The following GABPB1 variants were observed in gnomAD, a reference collection of about 807,000 sequenced individuals.
GABPB1 encodes the protein GA-binding protein subunit beta-1.
In GABPB1, 15 loss-of-function variants were observed where a neutral mutation model predicts 45.9. That is an observed-to-expected ratio of 0.33 (90% CI 0.22 to 0.50). The LOEUF (loss-of-function observed/expected upper bound fraction) is 0.50. Ranked by LOEUF, GABPB1 falls within the 20% of genes least tolerant of loss-of-function variation. GABPB1 has a pLI of 0.98. For missense variants in GABPB1, 252 were observed against 457.5 expected (o/e 0.55, Z 4.10); for synonymous variants, 143 against 154.4 (o/e 0.93, Z 0.55).
chr15:50,291,523 A>G (rs2140991959), intron 6 of GABPB1, among the ~76,000 whole-genome samples: 1 of 147,744 alleles, frequency 6.8e-6, no homozygotes, highest in African/African-American at 2.5e-5. Flanking sequence ...GAGACGGGTT[A>G]CACCATATTG....
At chr15:50,329,398 C>T (rs535264112) in intron 1 of GABPB1, among the ~76,000 whole-genome samples, 1 of 152,220 alleles carries the variant, frequency 6.6e-6, no homozygotes, top group South Asian at 2.1e-4. Flanking sequence ...ATACTTGTAT[C>T]TCTATTGATT....
chr15:50,281,387 A>C lies in GABPB1; in HGVS notation c.1000-2603T>G, dbSNP rs760110615. Among the ~76,000 whole-genome samples, 3 of 151,944 alleles carry C rather than the reference A, an allele frequency of 2.0e-5. 1 individual carries two copies. Among genetic ancestry groups the C allele is most frequent in the Non-Finnish European group, 4.4e-5 (3 of 67,968 alleles). On this transcript the variant is annotated intron_variant, in intron 8 of 8. Transcript: ENST00000380877. ...CCACCATGCTCAGCTAATTTTTTGT[A>C]TTTTTAGTAGAGACGGGGTTTCACC... is the stretch of plus-strand genomic sequence containing the variant.
chr15:50,347,604 A>G (rs1345133621), intron 1 of GABPB1: 2 of 152,164 alleles, frequency 1.3e-5, no homozygotes, highest in Admixed American at 1.3e-4. Flanking sequence ...CAGGAGTCAG[A>G]AGGGGCTATA....
chr15:50,311,838 A>G (rs1392689205), intron 1 of GABPB1, among the ~76,000 whole-genome samples: 1 of 152,174 alleles, frequency 6.6e-6, no homozygotes, highest in East Asian at 1.9e-4. Flanking sequence ...ATTATAAGAA[A>G]AGCTGTCCAT....
At chr15:50,337,397 T>C (rs761224598) in intron 1 of GABPB1, among the ~76,000 whole-genome samples, 1 of 151,954 alleles carries the variant, frequency 6.6e-6, no homozygotes, top group Non-Finnish European at 1.5e-5. Context: ...AAAAGAATCT[T>C]AAAAAGTAAA....
chr15:50,275,768 CT>C lies in GABPB1; in HGVS notation c.*2863del, dbSNP rs1415450252. ...ACGAAAACAAATGACATCACAAGTC[CT>C]TTTGTGAAGTAATTAAGATATAAAT... On this transcript the variant is annotated 3_prime_UTR_variant, in exon 9 of 9. Coordinates refer to ENST00000380877, the MANE Select transcript of GABPB1 (RefSeq NM_016654.5). 2 of 152,012 alleles carry C rather than the reference CT, an allele frequency of 1.3e-5. No individual in the cohort carries two copies. The highest frequency in any genetic ancestry group is 4.8e-5 in the African/African-American group (2 of 41,382). 9.4% of individuals were successfully genotyped at this position (152,012 alleles called of 1,614,324 possible). A position where few individuals can be genotyped will look rare whatever the true frequency, so the allele number is the denominator to read the frequency against.
chr15:50,335,617 G>A (rs1009726388), intron 1 of GABPB1, among the ~76,000 whole-genome samples: 7 of 151,860 alleles, frequency 4.6e-5, no homozygotes, highest in African/African-American at 1.2e-4. Flanking sequence ...AAGACTGGTC[G>A]GCCGGGTGCA....
chr15:50,345,651 C>CAGT (rs1290579758), intron 1 of GABPB1, among the ~76,000 whole-genome samples: 1 of 152,144 alleles, frequency 6.6e-6, no homozygotes, highest in East Asian at 1.9e-4. Context: ...CTAGAAAGAA[C>CAGT]AGTAGCAGCA....
intron 1 of GABPB1, among the ~76,000 whole-genome samples, chr15:50,340,951 TAATATTA>T (rs1567546028): frequency 1.9e-5 from 1 of 51,692 alleles, no homozygotes; most frequent in Non-Finnish European, 3.8e-5. Context: ...TTACCATATG[TAATATTA>T]CATATTACAT....
rs1337883722 is a variant in GABPB1 at position 50,278,725 on chromosome 15, T to C, written c.1059A>G (p.Arg353=). ...CCTGTTCTTTCTTTAGGAGCTGCTG[T>C]CGATATTTTTGTGCTTCTCGATTTG... ...DEANREAQKY[R]QQLLKKEQEA... The change falls in exon 9 of 9, where the codon CGA becomes CGG. Residue 353 remains arginine (R), a synonymous_variant. Transcript: ENST00000380877. The C allele has an allele frequency of 6.2e-7, 1 of 1,613,706 alleles. No individual in the cohort carries two copies. The highest frequency in any genetic ancestry group is 8.5e-7 in the Non-Finnish European group (1 of 1,179,784).
intron 1 of GABPB1, among the ~76,000 whole-genome samples, chr15:50,338,071 A>C (rs1654937294): frequency 1.3e-5 from 2 of 152,200 alleles, no homozygotes. Context: ...ACAGAGTCTC[A>C]CTCTGTGGCC....
chr15:50,342,971 G>A (rs1360589393), intron 1 of GABPB1, among the ~76,000 whole-genome samples: 1 of 26,874 alleles, frequency 3.7e-5, no homozygotes, highest in Non-Finnish European at 6.5e-5. Context: ...CACGATCTTG[G>A]CTCACTGCAA....
chr15:50,325,388 C>T (rs2047715556), intron 1 of GABPB1, among the ~76,000 whole-genome samples: 1 of 150,530 alleles, frequency 6.6e-6, no homozygotes. Flanking sequence ...GACCCAGGTG[C>T]AAATCTCGTC....
chr15:50,352,161 C>G (rs564211276), intron 1 of GABPB1: 1 of 152,200 alleles, frequency 6.6e-6, no homozygotes, highest in South Asian at 2.1e-4. Flanking sequence ...TGCAAAACTT[C>G]ATGTAATTTC....
At chr15:50,312,817 G>C (rs1009916632) in intron 1 of GABPB1, among the ~76,000 whole-genome samples, 3 of 152,180 alleles carry the variant, frequency 2.0e-5, no homozygotes, top group African/African-American at 7.2e-5. Context: ...CTTTTGTGAA[G>C]TGAGAGTTTA....
At chr15:50,332,637 G>A (rs976005162) in intron 1 of GABPB1, among the ~76,000 whole-genome samples, 17 of 151,796 alleles carry the variant, frequency 1.1e-4, no homozygotes, top group Non-Finnish European at 2.2e-4. Context: ...AAAATACTTG[G>A]GATATATATA....
At chr15:50,354,631 C>T in intron 1 of GABPB1, 1 of 439,322 alleles carries the variant, frequency 2.3e-6, no homozygotes, top group Non-Finnish European at 4.5e-6. Context: ...CGGCGCGACC[C>T]CATCGCCACC....
At chr15:50,298,968 AAAGAG>A (rs2046625262) in intron 6 of GABPB1, among the ~76,000 whole-genome samples, 2 of 150,604 alleles carry the variant, frequency 1.3e-5, no homozygotes, top group South Asian at 4.2e-4. Context: ...AAAAAAAAAG[AAAGAG>A]AAAAGAAAAG....
At position 50,338,834 on chromosome 15, in the gene GABPB1, A is replaced by G. The variant is rs118077905; in HGVS notation, c.-1+16151T>C. Reference sequence around the variant, plus strand: ...CACGATCACTTCCTTATTCAAATCTATTTTTGTTTCTTTGAATTTCAGACA... The same window carrying G: ...CACGATCACTTCCTTATTCAAATCTGTTTTTGTTTCTTTGAATTTCAGACA... On this transcript the variant is annotated intron_variant, in intron 1 of 8. Coordinates refer to ENST00000380877, the MANE Select transcript of GABPB1 (RefSeq NM_016654.5). Among the ~76,000 whole-genome samples the G allele has an allele frequency of 2.5e-3, 378 of 152,266 alleles. 1 individual carries two copies. Among genetic ancestry groups the G allele is most frequent in the Admixed American group, 6.3e-3 (96 of 15,290 alleles).
Sources: allele counts gnomAD v4.1 joint callset (sites outside exome capture counted in the v4.1 genomes callset), GRCh38; gene constraint gnomAD v4.1.1; transcripts MANE v1.5; gene names NCBI Gene and HGNC (gene_info 2026-07-23, HGNC 2026-07-21).